Variants in GALNT17 observed in about 807,000 individuals in gnomAD.
GALNT17 encodes polypeptide N-acetylgalactosaminyltransferase 17, also known as UDP-GalNAc:polypeptide N-acetylgalactosaminyltransferase-like 3.
GALNT17 carries 29 observed loss-of-function variants against 63.7 expected under a neutral mutation model. The ratio of observed to expected loss-of-function variants is 0.46; its 90% CI spans 0.34 to 0.62. The LOEUF is 0.62. GALNT17 is among the 20% of genes least tolerant of loss of function. GALNT17 has a pLI of 0.01. For synonymous variants in GALNT17, 305 were observed against 318.3 expected (o/e 0.96, Z 0.45); for missense variants, 603 against 799.6 (o/e 0.75, Z 2.97).
chr7:71,659,434 G>C (rs1382615132), intron 6 of GALNT17, among the ~76,000 whole-genome samples: 1 of 152,182 alleles, frequency 6.6e-6, no homozygotes, highest in Non-Finnish European at 1.5e-5. Flanking sequence ...TGTCTTGGGG[G>C]TGTACAGTCT....
In GALNT17 at chr7:71,319,730, A is replaced by T. The variant is rs1046845815; in HGVS notation, c.239-15820A>T. Among the ~76,000 whole-genome samples, 5 of 152,164 alleles carry T rather than the reference A, an allele frequency of 3.3e-5. No homozygotes were observed. In the South Asian group the frequency reaches 8.3e-4, roughly 25 times the overall value. On this transcript the variant is annotated intron_variant, in intron 1 of 10. Coordinates refer to ENST00000333538, the MANE Select transcript of GALNT17 (RefSeq NM_022479.3). ...CTCCATCTCAATCAATAACACCAACATTCAACATCCTTTGTTGCTCAAGCC... is the reference window on the plus strand; with the variant it reads ...CTCCATCTCAATCAATAACACCAACTTTCAACATCCTTTGTTGCTCAAGCC...
chr7:71,504,616 T>G (rs1788236197), intron 5 of GALNT17, among the ~76,000 whole-genome samples: 1 of 152,250 alleles, frequency 6.6e-6, no homozygotes, highest in African/African-American at 2.4e-5. Context: ...TTTACTTATT[T>G]ACATATTTTG....
intron 2 of GALNT17, among the ~76,000 whole-genome samples, chr7:71,372,385 G>T (rs1011458327): frequency 6.6e-6 from 1 of 151,968 alleles, no homozygotes; most frequent in Non-Finnish European, 1.5e-5. Context: ...GGCTGGTCTC[G>T]AACTCCTGAC....
chr7:71,621,553 A>G (rs28620519), intron 6 of GALNT17, among the ~76,000 whole-genome samples: 33,939 of 142,602 alleles, frequency 0.24, 4,612 homozygotes, highest in Non-Finnish European at 0.25. Flanking sequence ...ATTGATGGAT[A>G]GATGGATGGA....
intron 6 of GALNT17, among the ~76,000 whole-genome samples, chr7:71,572,504 T>TAA (rs371372359): frequency 0.35 from 15,490 of 43,882 alleles, 4,213 homozygotes; most frequent in East Asian, 0.46. Context: ...CCTGTCTCAT[T>TAA]AAAAAAAAAA....
intron 6 of GALNT17, among the ~76,000 whole-genome samples, chr7:71,571,783 G>A (rs1789446247): frequency 6.6e-6 from 1 of 152,168 alleles, no homozygotes; most frequent in African/African-American, 2.4e-5. Flanking sequence ...GGAGGCCACG[G>A]TGGTGCGATC....
At chr7:71,511,457 G>T (rs1788354561) in intron 5 of GALNT17, among the ~76,000 whole-genome samples, 1 of 152,098 alleles carries the variant, frequency 6.6e-6, no homozygotes, top group South Asian at 2.1e-4. Context: ...TCACGCAGTG[G>T]CACAGCCTGA....
intron 1 of GALNT17, among the ~76,000 whole-genome samples, chr7:71,224,584 C>G (rs1400699596): frequency 6.6e-6 from 1 of 152,126 alleles, no homozygotes; most frequent in African/African-American, 2.4e-5. Context: ...CGTGGTATAT[C>G]CGTCCTGGTC....
intron 1 of GALNT17, among the ~76,000 whole-genome samples, chr7:71,233,100 A>G (rs1789823775): frequency 6.6e-6 from 1 of 152,184 alleles, no homozygotes; most frequent in African/African-American, 2.4e-5. Flanking sequence ...AACCCGGAAG[A>G]AAGCCATTTG....
chr7:71,434,498 A>G (rs1270254267), intron 5 of GALNT17, among the ~76,000 whole-genome samples: 3 of 152,206 alleles, frequency 2.0e-5, no homozygotes, highest in Admixed American at 2.0e-4. Context: ...GCCAGGGGCC[A>G]AGTGAATGCT....
At chr7:71,255,618 G>C (rs1256190697) in intron 1 of GALNT17, among the ~76,000 whole-genome samples, 1 of 152,192 alleles carries the variant, frequency 6.6e-6, no homozygotes, top group Non-Finnish European at 1.5e-5. Flanking sequence ...TTGTAACCTG[G>C]AAAATGCTTG....
rs572996284 is a variant in GALNT17 at position 71,309,285 on chromosome 7, A to G, written c.239-26265A>G. On this transcript the variant is annotated intron_variant, in intron 1 of 10. Transcript: ENST00000333538. ...ATAAATCCATGACCCTTGGCAGTCT[A>G]ATTCCTGTTTGTCTTTCCAGCCTTG... Among the ~76,000 whole-genome samples, 144 of 152,046 alleles carry G rather than the reference A, an allele frequency of 9.5e-4. 1 individual carries two copies. Among genetic ancestry groups the G allele is most frequent in the African/African-American group, 3.3e-3 (136 of 41,452 alleles).
At chr7:71,711,875 T>A in intron 10 of GALNT17, 143 bp from the exon 11 acceptor site, 1 of 882,682 alleles carries the variant, frequency 1.1e-6, no homozygotes, top group Non-Finnish European at 1.7e-6. Context: ...TGCCTCTTTC[T>A]CTGTCTCTCT....
intron 1 of GALNT17, among the ~76,000 whole-genome samples, chr7:71,141,427 A>G (rs1787889391): frequency 6.6e-6 from 1 of 151,932 alleles, no homozygotes; most frequent in Non-Finnish European, 1.5e-5. Context: ...TTCCACTGTC[A>G]CTTATTACCT....
chr7:71,707,374 G>C (rs748629652), intron 9 of GALNT17, among the ~76,000 whole-genome samples: 1 of 152,100 alleles, frequency 6.6e-6, no homozygotes, highest in Non-Finnish European at 1.5e-5. Flanking sequence ...TTTGGAATAT[G>C]ATTCTTAAAC....
intron 1 of GALNT17, among the ~76,000 whole-genome samples, chr7:71,161,625 A>AT (rs1288407286): frequency 6.6e-6 from 1 of 151,914 alleles, no homozygotes; most frequent in Middle Eastern, 3.2e-3. Context: ...AAATATTCAG[A>AT]TTTTTTTCTG....
chr7:71,187,488 G>A (rs909633506), intron 1 of GALNT17, among the ~76,000 whole-genome samples: 1 of 151,828 alleles, frequency 6.6e-6, no homozygotes, highest in South Asian at 2.1e-4. Context: ...TCTCTGCTTC[G>A]TTTGTTCGTA....
At chr7:71,133,453 GGGAGATT>G (rs1191757500) in intron 1 of GALNT17, among the ~76,000 whole-genome samples, 1 of 152,134 alleles carries the variant, frequency 6.6e-6, no homozygotes, top group Non-Finnish European at 1.5e-5. Context: ...TAGGGAACCT[GGGAGATT>G]GGAGGGCTTG....
At chr7:71,633,267 T>C (rs987669617) in intron 6 of GALNT17, among the ~76,000 whole-genome samples, 1 of 152,042 alleles carries the variant, frequency 6.6e-6, no homozygotes, top group Non-Finnish European at 1.5e-5. Context: ...GGCTGTGGGT[T>C]GGGAAGGTTT....
Sources: gnomAD v4.1 joint callset for allele counts (sites outside exome capture counted in the v4.1 genomes callset) on GRCh38, gnomAD v4.1.1 for gene constraint, MANE v1.5 for transcripts, NCBI Gene and HGNC (gene_info 2026-07-23, HGNC 2026-07-21) for gene names.